SH3TC2: variants seen among roughly 807,000 people sequenced by gnomAD.
The protein encoded by SH3TC2 is SH3 domain and tetratricopeptide repeats 2.
Under a neutral mutation model 124.5 loss-of-function variants are expected in SH3TC2, and 87 were observed. The observed-to-expected ratio is 0.70, with a 90% confidence interval of 0.59 to 0.84. The LOEUF (loss-of-function observed/expected upper bound fraction) is 0.84, where lower values mean the gene tolerates loss of function less well. Among genes scored for constraint, SH3TC2 ranks in the 40% least tolerant of loss-of-function variants. SH3TC2 has a pLI of 0.00. For missense variants in SH3TC2, 1,536 were observed against 1,566.4 expected, an observed-to-expected ratio of 0.98 and a Z score of 0.33; for synonymous variants, 634 against 628.5, an observed-to-expected ratio of 1.01 and a Z score of -0.13.
chr5:149,057,064 G>A (rs531285566), intron 1 of SH3TC2, among the ~76,000 whole-genome samples: 2 of 151,970 alleles, frequency 1.3e-5, no homozygotes, highest in Non-Finnish European at 2.9e-5. Context: ...TTATTTAACT[G>A]AAATATTAAT....
Position 148,986,138 on chromosome 5 carries a change from A to G in SH3TC2, c.*18573T>C, listed in dbSNP as rs1753329060. 6.6e-6 allele frequency among the ~76,000 whole-genome samples: 1 copy of G among 152,190 alleles called. No individual in the cohort carries two copies. Among genetic ancestry groups the G allele is most frequent in the East Asian group, 1.9e-4 (1 of 5,198 alleles). ...TCACTAAGGCCCTGCTTAATAGCCT[A>G]TTTTACTGCCCGTGTGAACTTGGGT... On this transcript the variant is annotated 3_prime_UTR_variant, in exon 17 of 17. Transcript: ENST00000515425.
intron 12 of SH3TC2, among the ~76,000 whole-genome samples, chr5:149,015,658 C>T (rs777435669): frequency 1.3e-5 from 2 of 152,200 alleles, no homozygotes; most frequent in African/African-American, 2.4e-5. Flanking sequence ...GCCTGAACAT[C>T]AGCCATAAGC....
intron 8 of SH3TC2, among the ~76,000 whole-genome samples, chr5:149,036,743 G>C (rs1199564615): frequency 2.0e-5 from 3 of 152,102 alleles, no homozygotes; most frequent in Non-Finnish European, 2.9e-5. Flanking sequence ...CCCCACCTGG[G>C]GAGCTTTTAT....
intron 13 of SH3TC2, among the ~76,000 whole-genome samples, chr5:149,012,210 C>T (rs1753794851): frequency 6.6e-6 from 1 of 152,130 alleles, no homozygotes; most frequent in African/African-American, 2.4e-5. Context: ...GTTAATACCC[C>T]ACATACACAC....
chr5:149,008,167 A>G lies in SH3TC2; in HGVS notation c.3478+684T>C, dbSNP rs58755972. ...CAGAAGACCCTCCTGGAATCATCACAGAATATTACATTTACCCTTACATCT... is the reference window on the plus strand; with the variant it reads ...CAGAAGACCCTCCTGGAATCATCACGGAATATTACATTTACCCTTACATCT... On this transcript the variant is annotated intron_variant, in intron 15 of 16. Coordinates refer to ENST00000515425, the MANE Select transcript of SH3TC2 (RefSeq NM_024577.4). 1.6e-3 allele frequency: 252 copies of G among 155,228 alleles called. 1 individual carries two copies. The highest frequency in any genetic ancestry group is 5.8e-3 in the African/African-American group (242 of 41,590). The allele number at this position is 155,228 out of a possible 1,614,324, so 9.6% of individuals were successfully genotyped here. A position where few individuals can be genotyped will look rare whatever the true frequency, so the allele number is the denominator to read the frequency against.
chr5:149,018,371 G>T (rs1198571602), intron 12 of SH3TC2, among the ~76,000 whole-genome samples: 1 of 152,032 alleles, frequency 6.6e-6, no homozygotes, highest in Non-Finnish European at 1.5e-5. Context: ...TCCCACTGCT[G>T]ATAAAGACAT....
chr5:149,004,597 A>G lies in SH3TC2; in HGVS notation c.*114T>C. Reference sequence around the variant, plus strand: ...TGGACTTCATTCTTCTTCTTGTGAAATGAGGGGGCTAGGCCAGGTAAGGAC... The same window carrying G: ...TGGACTTCATTCTTCTTCTTGTGAAGTGAGGGGGCTAGGCCAGGTAAGGAC... On this transcript the variant is annotated 3_prime_UTR_variant, in exon 17 of 17. Transcript: ENST00000515425. The G allele has an allele frequency of 9.1e-7, 1 of 1,094,576 alleles. No homozygotes were observed. The highest frequency in any genetic ancestry group is 1.3e-6 in the Non-Finnish European group (1 of 768,864). The allele number at this position is 1,094,576 out of a possible 1,614,324, so 67.8% of individuals were successfully genotyped here.
At position 148,987,534 on chromosome 5, in the gene SH3TC2, G is replaced by C. The variant is rs1753352126; in HGVS notation, c.*17177C>G. On this transcript the variant is annotated 3_prime_UTR_variant, in exon 17 of 17. Coordinates refer to ENST00000515425, the MANE Select transcript of SH3TC2 (RefSeq NM_024577.4). ...GACCTGCATGGTCTTTACATCTATA[G>C]TCTTGGGCATATTCCATAAGACTTC... 6.6e-6 allele frequency among the ~76,000 whole-genome samples: 1 copy of C among 152,186 alleles called. No individual in the cohort carries two copies. The highest frequency in any genetic ancestry group is 2.4e-5 in the African/African-American group (1 of 41,428).
intron 8 of SH3TC2, among the ~76,000 whole-genome samples, chr5:149,034,982 G>T (rs1754258618): frequency 6.6e-6 from 1 of 152,082 alleles, no homozygotes; most frequent in Non-Finnish European, 1.5e-5. Context: ...CAAGACTCAG[G>T]ACTGAGAGTA....
In SH3TC2 at chr5:148,994,779, T is replaced by C. The variant is rs140337321; in HGVS notation, c.*9932A>G. Among the ~76,000 whole-genome samples, 2 of 148,898 alleles carry C rather than the reference T, an allele frequency of 1.3e-5. No homozygotes were observed. Among genetic ancestry groups the C allele is most frequent in the Admixed American group, 6.7e-5 (1 of 14,996 alleles). ...AGATGGATGAATAGATGGATAACCG[T>C]CTGCATCCTCTGTCCCAAAGGAGCT... On this transcript the variant is annotated 3_prime_UTR_variant, in exon 17 of 17. Coordinates refer to ENST00000515425, the MANE Select transcript of SH3TC2 (RefSeq NM_024577.4).
intron 2 of SH3TC2, among the ~76,000 whole-genome samples, chr5:149,048,481 AT>A (rs1754505196): frequency 6.6e-6 from 1 of 152,146 alleles, no homozygotes; most frequent in African/African-American, 2.4e-5. Flanking sequence ...ACATAAACAC[AT>A]TTTCTCTAAC....
intron 8 of SH3TC2, chr5:149,035,590 T>C (rs973439083): frequency 2.0e-5 from 3 of 152,538 alleles, no homozygotes; most frequent in African/African-American, 7.2e-5. Flanking sequence ...GGAGCTCTGA[T>C]ATCTGGAGAG....
rs1753337456 is a variant in SH3TC2 at position 148,986,665 on chromosome 5, C to G, written c.*18046G>C. On this transcript the variant is annotated 3_prime_UTR_variant, in exon 17 of 17. Coordinates refer to ENST00000515425, the MANE Select transcript of SH3TC2 (RefSeq NM_024577.4). Reference sequence around the variant, plus strand: ...ACAGGTTTGAGTACATGACAGATACCTTTTTTGACAAATTATTAAGCCACT... The same window carrying G: ...ACAGGTTTGAGTACATGACAGATACGTTTTTTGACAAATTATTAAGCCACT... Among the ~76,000 whole-genome samples, 3 of 152,122 alleles carry G rather than the reference C, an allele frequency of 2.0e-5. No homozygotes were observed. The highest frequency in any genetic ancestry group is 6.5e-5 in the Admixed American group (1 of 15,280).
intron 3 of SH3TC2, chr5:149,047,474 A>T (rs1245447901): frequency 3.9e-6 from 1 of 256,332 alleles, no homozygotes. Flanking sequence ...AAAATGGAAA[A>T]TTTTATGTTA....
intron 12 of SH3TC2, among the ~76,000 whole-genome samples, chr5:149,021,279 G>C (rs1753964137): frequency 6.6e-6 from 1 of 152,002 alleles, no homozygotes; most frequent in African/African-American, 2.4e-5. Context: ...AAATGGCGTA[G>C]GCACAATACT....
At position 149,028,308 on chromosome 5, in the gene SH3TC2, T is replaced by A. The variant is rs923242997; in HGVS notation, c.1424A>T (p.Asp475Val). ...AAAGTGGTCAGCATAACCCTCATGA[T>A]CCAGAAAAGCCAATATGGGGGCGAA... ...ENFAPILAFL[D>V]HEGYADHFKS... Residue 475 changes from aspartate (D) to valine (V), a missense_variant, in exon 11 of 17, where the codon GAT becomes GTT. Transcript: ENST00000515425. The A allele has an allele frequency of 6.2e-7, 1 of 1,613,874 alleles. No individual in the cohort carries two copies. The highest frequency in any genetic ancestry group is 2.2e-5 in the East Asian group (1 of 44,892).
chr5:149,025,867 G>T (rs558443277), intron 12 of SH3TC2: 1 of 152,418 alleles, frequency 6.6e-6, no homozygotes, highest in African/African-American at 2.4e-5. Context: ...ATGCTCCATT[G>T]TGCTGTTACA....
At chr5:149,059,085 G>A (rs1754701616) in intron 1 of SH3TC2, among the ~76,000 whole-genome samples, 1 of 151,984 alleles carries the variant, frequency 6.6e-6, no homozygotes, top group African/African-American at 2.4e-5. Flanking sequence ...TGAATATGAG[G>A]GATAAACATG....
intron 2 of SH3TC2, 28 bp downstream of exon 2, chr5:149,052,114 A>G (rs1244988201): frequency 6.8e-7 from 1 of 1,469,486 alleles, no homozygotes; most frequent in Non-Finnish European, 9.5e-7. Flanking sequence ...ACATGGAAGA[A>G]TAGGGCTTGT....
Sources: gnomAD v4.1 joint callset for allele counts (sites outside exome capture counted in the v4.1 genomes callset) on GRCh38, gnomAD v4.1.1 for gene constraint, MANE v1.5 for transcripts, NCBI Gene and HGNC (gene_info 2026-07-23, HGNC 2026-07-21) for gene names.